FGGY: variants seen among roughly 807,000 people sequenced by gnomAD.
The protein encoded by FGGY is FGGY carbohydrate kinase domain containing.
A neutral mutation model predicts 71.3 loss-of-function variants in FGGY; 72 were observed. The observed-to-expected ratio is 1.01, with a 90% CI of 0.84 to 1.23. The LOEUF is 1.23. Ranked by LOEUF, FGGY falls within the 50% of genes most tolerant of loss-of-function variation. The pLI, the probability that FGGY is intolerant of heterozygous loss-of-function variation, is 0.00. For missense variants in FGGY, 668 were observed against 682.3 expected (o/e 0.98, Z 0.23); for synonymous variants, 251 against 250.3 (o/e 1.00, Z -0.02).
intron 4 of FGGY, among the ~76,000 whole-genome samples, chr1:59,373,263 A>G (rs539946563): frequency 0.028 from 4,199 of 152,132 alleles, 201 homozygotes; most frequent in African/African-American, 0.096. Flanking sequence ...TTATACACCA[A>G]TAACAGACAA....
At chr1:59,629,078 A>T (rs2096884566) in intron 10 of FGGY, among the ~76,000 whole-genome samples, 1 of 151,886 alleles carries the variant, frequency 6.6e-6, no homozygotes, top group Admixed American at 6.6e-5. Context: ...GGATGGGGGG[A>T]TAGGGGAGGG....
chr1:59,500,430 G>C (rs1314349293), intron 6 of FGGY, among the ~76,000 whole-genome samples: 1 of 152,064 alleles, frequency 6.6e-6, no homozygotes, highest in Non-Finnish European at 1.5e-5. Flanking sequence ...CTCAGTACCA[G>C]GCACAGAGCA....
At chr1:59,504,649 C>T (rs1485403949) in intron 6 of FGGY, among the ~76,000 whole-genome samples, 1 of 152,086 alleles carries the variant, frequency 6.6e-6, no homozygotes, top group Non-Finnish European at 1.5e-5. Context: ...GTTTTTCCCT[C>T]AACAGCCTTG....
intron 5 of FGGY, among the ~76,000 whole-genome samples, chr1:59,451,323 T>A (rs1183228164): frequency 6.6e-6 from 1 of 151,900 alleles, no homozygotes; most frequent in Non-Finnish European, 1.5e-5. Context: ...TAATATTTGC[T>A]TACTTAATGT....
chr1:59,439,486 C>G (rs754017531), intron 5 of FGGY, among the ~76,000 whole-genome samples: 1 of 152,156 alleles, frequency 6.6e-6, no homozygotes, highest in African/African-American at 2.4e-5. Context: ...CCATTCCTCT[C>G]TCTTAATGCC....
chr1:59,592,068 A>G (rs1324468306), intron 8 of FGGY, among the ~76,000 whole-genome samples: 4 of 152,250 alleles, frequency 2.6e-5, no homozygotes, highest in Non-Finnish European at 1.5e-5. Flanking sequence ...TTCAGAATCT[A>G]CAATGAACTC....
chr1:59,634,890 G>A (rs1013205350), intron 10 of FGGY, among the ~76,000 whole-genome samples: 4 of 152,168 alleles, frequency 2.6e-5, no homozygotes, highest in Non-Finnish European at 5.9e-5. Flanking sequence ...CAGCTGGTAC[G>A]TGGTAAAGTC....
intron 8 of FGGY, among the ~76,000 whole-genome samples, chr1:59,560,952 CTTTG>C (rs2095783445): frequency 6.6e-6 from 1 of 152,174 alleles, no homozygotes; most frequent in African/African-American, 2.4e-5. Context: ...GTCTTCTCCA[CTTTG>C]TTTTTCTTTG....
Position 59,762,716 on chromosome 1 carries a change from CAT to C in FGGY, c.*133_*134del, listed in dbSNP as rs2098353119. On this transcript the variant is annotated 3_prime_UTR_variant, in exon 16 of 16. Transcript: ENST00000303721. The stretch of plus-strand genomic sequence containing the variant: ...ATTGTCTTTCAATAAAGAAAACAAA[CAT>C]GTGCAACCAGAATTAGAGTCTTCAT... The C allele has an allele frequency of 1.5e-6, 1 of 655,500 alleles. No homozygotes were observed. Among genetic ancestry groups the C allele is most frequent in the African/African-American group, 1.8e-5 (1 of 54,530 alleles). 40.6% of individuals were successfully genotyped at this position (655,500 alleles called of 1,614,324 possible). A position where few individuals can be genotyped will look rare whatever the true frequency, so the allele number is the denominator to read the frequency against.
intron 6 of FGGY, among the ~76,000 whole-genome samples, chr1:59,477,536 C>G (rs779602264): frequency 1.3e-5 from 2 of 152,098 alleles, no homozygotes; most frequent in Non-Finnish European, 2.9e-5. Flanking sequence ...AGTCATGGAG[C>G]CACCACCCCT....
intron 7 of FGGY, among the ~76,000 whole-genome samples, chr1:59,543,960 T>G (rs1271294172): frequency 6.6e-6 from 1 of 152,266 alleles, no homozygotes; most frequent in East Asian, 1.9e-4. Flanking sequence ...CACTAACATT[T>G]GTTTAGTAGT....
At position 59,505,019 on chromosome 1, in the gene FGGY, G is replaced by T. The variant is rs190609936; in HGVS notation, c.671-7292G>T. Among the ~76,000 whole-genome samples the T allele has an allele frequency of 3.1e-3, 475 of 152,242 alleles. 2 individuals are homozygous for T. The highest frequency in any genetic ancestry group is 0.011 in the African/African-American group (444 of 41,556). On this transcript the variant is annotated intron_variant, in intron 6 of 15. Coordinates refer to ENST00000303721, the MANE Select transcript of FGGY (RefSeq NM_018291.5). The stretch of plus-strand genomic sequence containing the variant: ...CTGTCTAGTGGGAAAGAGAGATCGA[G>T]GTATAAATAGGGGAAAAAATAAAAC...
intron 11 of FGGY, chr1:59,641,327 T>C (rs759587082): frequency 1.2e-6 from 2 of 1,603,582 alleles, no homozygotes; most frequent in South Asian, 2.2e-5. Flanking sequence ...CGTTGCACTC[T>C]CCCAGTTCTC....
chr1:59,587,132 A>G (rs2096310020), intron 8 of FGGY, among the ~76,000 whole-genome samples: 1 of 152,232 alleles, frequency 6.6e-6, no homozygotes, highest in Non-Finnish European at 1.5e-5. Context: ...ATGGCACACC[A>G]GGAGATTATA....
intron 4 of FGGY, among the ~76,000 whole-genome samples, chr1:59,369,211 ATACTGCGC>A (rs1474749577): frequency 3.3e-5 from 5 of 151,214 alleles, no homozygotes; most frequent in South Asian, 2.1e-4. Context: ...CTCCCACCCG[ATACTGCGC>A]TTTTCCGACG....
intron 8 of FGGY, among the ~76,000 whole-genome samples, chr1:59,557,299 C>A (rs551277324): frequency 9.8e-5 from 15 of 152,308 alleles, no homozygotes; most frequent in Admixed American, 7.8e-4. Context: ...GATCCTCTTT[C>A]TTCCTGTCTG....
At chr1:59,616,548 G>C (rs561511144) in intron 9 of FGGY, among the ~76,000 whole-genome samples, 1 of 152,146 alleles carries the variant, frequency 6.6e-6, no homozygotes, top group East Asian at 1.9e-4. Context: ...GAGTTAATGG[G>C]TGCCGCACAC....
At chr1:59,557,369 C>G (rs2095707111) in intron 8 of FGGY, among the ~76,000 whole-genome samples, 1 of 152,150 alleles carries the variant, frequency 6.6e-6, no homozygotes, top group African/African-American at 2.4e-5. Context: ...ACGTTTTGTG[C>G]TTGATCCAGG....
chr1:59,374,974 G>A (rs2058399951), intron 4 of FGGY, among the ~76,000 whole-genome samples: 1 of 151,038 alleles, frequency 6.6e-6, no homozygotes, highest in South Asian at 2.1e-4. Flanking sequence ...TAGATGACGA[G>A]TTAGTGGGTG....
Sources: gnomAD v4.1 joint callset for allele counts (sites outside exome capture counted in the v4.1 genomes callset) on GRCh38, gnomAD v4.1.1 for gene constraint, MANE v1.5 for transcripts, NCBI Gene and HGNC (gene_info 2026-07-23, HGNC 2026-07-21) for gene names.